Variants in VPS53 observed in about 807,000 individuals in gnomAD.
The protein encoded by VPS53 is VPS53 subunit of GARP complex.
Under a neutral mutation model 107.0 loss-of-function variants are expected in VPS53, and 70 were observed. That is an observed-to-expected ratio of 0.65 (90% CI 0.54 to 0.80). The LOEUF (loss-of-function observed/expected upper bound fraction) is 0.80. Ranked by LOEUF, VPS53 falls within the 30% of genes least tolerant of loss-of-function variation. The probability of loss-of-function intolerance (pLI) is 0.00; values close to 1 mark genes in which losing one functional copy is unlikely to be tolerated. For synonymous variants in VPS53, 409 were observed against 393.3 expected, an observed-to-expected ratio of 1.04 and a Z score of -0.47; for missense variants, 917 against 1,049.4, an observed-to-expected ratio of 0.87 and a Z score of 1.74.
rs368504016 is a variant in VPS53, at chr17:549,516, C to T, written c.1866+2356G>A. Among the ~76,000 whole-genome samples the T allele has an allele frequency of 4.6e-5, 7 of 152,070 alleles. No homozygotes were observed. In the East Asian group the frequency reaches 9.6e-4, roughly 21 times the overall value. On this transcript the variant is annotated intron_variant, in intron 17 of 21. Coordinates refer to ENST00000437048, the MANE Select transcript of VPS53 (RefSeq NM_001128159.3). ...GGGGCAGGGTTTGAGGGAAATCCAC[C>T]GAACGAACCGACAGTTCGTATAAGC...
chr17:695,375 GC>G (rs1972920310), intron 4 of VPS53, among the ~76,000 whole-genome samples: 1 of 152,124 alleles, frequency 6.6e-6, no homozygotes, highest in Non-Finnish European at 1.5e-5. Context: ...ATTGGGAAAT[GC>G]GGCGGCTTAA....
At chr17:640,619 G>C (rs539919727) in intron 7 of VPS53, among the ~76,000 whole-genome samples, 1 of 151,828 alleles carries the variant, frequency 6.6e-6, no homozygotes, top group Non-Finnish European at 1.5e-5. Context: ...CTAGTGAGCC[G>C]CATAATCACA....
At chr17:624,128 G>A (rs976043017) in intron 10 of VPS53, among the ~76,000 whole-genome samples, 1 of 152,042 alleles carries the variant, frequency 6.6e-6, no homozygotes, top group African/African-American at 2.4e-5. Flanking sequence ...AAAGTGCTGG[G>A]ATTATAGGTG....
chr17:656,730 G>GTGTGTGTGTGTGTT (rs1555574231), intron 5 of VPS53: 3 of 647,468 alleles, frequency 4.6e-6, no homozygotes, highest in African/African-American at 4.1e-5. Flanking sequence ...GTGTGTGTGT[G>GTGTGTGTGTGTGTT]TTTTATCATG....
At chr17:593,847 G>A (rs1480875379) in intron 12 of VPS53, among the ~76,000 whole-genome samples, 2 of 152,148 alleles carry the variant, frequency 1.3e-5, no homozygotes, top group Non-Finnish European at 2.9e-5. Flanking sequence ...CTGCTATAAA[G>A]ACACATGCAC....
intron 4 of VPS53, among the ~76,000 whole-genome samples, chr17:686,916 GC>G (rs1401894208): frequency 6.6e-6 from 1 of 152,156 alleles, no homozygotes; most frequent in Non-Finnish European, 1.5e-5. Context: ...GGAGGCTGAG[GC>G]AGAAGGATTG....
At position 509,082 on chromosome 17, in the gene VPS53, A is replaced by C. The variant is rs1483256331; in HGVS notation, c.*10046T>G. ...TGGCTCGCCCCCTTACTAGTCACATAGCAAATCCTGGCTCACCCCTCACTA... is the reference window on the plus strand; with the variant it reads ...TGGCTCGCCCCCTTACTAGTCACATCGCAAATCCTGGCTCACCCCTCACTA... On this transcript the variant is annotated 3_prime_UTR_variant, in exon 22 of 22. Coordinates refer to ENST00000437048, the MANE Select transcript of VPS53 (RefSeq NM_001128159.3). The C allele has an allele frequency of 1.3e-5, 2 of 151,816 alleles. No homozygotes were observed. The highest frequency in any genetic ancestry group is 2.9e-5 in the Non-Finnish European group (2 of 68,010). The allele number at this position is 151,816 out of a possible 1,614,324, so 9.4% of individuals were successfully genotyped here.
rs1339871682 is a variant in VPS53, at chr17:516,948, T to G, written c.*2180A>C. 6.5e-6 allele frequency: 1 copy of G among 153,286 alleles called. No homozygotes were observed. The highest frequency in any genetic ancestry group is 2.1e-4 in the South Asian group (1 of 4,840). The allele number at this position is 153,286 out of a possible 1,614,324, so 9.5% of individuals were successfully genotyped here. On this transcript the variant is annotated 3_prime_UTR_variant, in exon 22 of 22. Coordinates refer to ENST00000437048, the MANE Select transcript of VPS53 (RefSeq NM_001128159.3). ...AATGAACCAAAAAGAGAAGTGGTGA[T>G]CTGTACACAAACGCCAGGAGTGACA...
chr17:616,574 G>C lies in VPS53; in HGVS notation c.1116+6959C>G, dbSNP rs192224516. The C allele has an allele frequency of 9.5e-4, 145 of 152,458 alleles. 2 individuals are homozygous for C. Among genetic ancestry groups the C allele is most frequent in the African/African-American group, 3.4e-3 (142 of 41,578 alleles). The allele number at this position is 152,458 out of a possible 1,614,324, so 9.4% of individuals were successfully genotyped here. On this transcript the variant is annotated intron_variant, in intron 11 of 21. Transcript: ENST00000437048. ...CAGGAGACACTGGGCTCCAGGCCAG[G>C]AGCTTGGCCCTGGCCGAGTGAGTTC...
At chr17:565,430 A>G (rs1323537666) in intron 13 of VPS53, among the ~76,000 whole-genome samples, 1 of 150,712 alleles carries the variant, frequency 6.6e-6, no homozygotes, top group Non-Finnish European at 1.5e-5. Context: ...AAAAAAAGAA[A>G]GAAAAGAAAA....
intron 4 of VPS53, among the ~76,000 whole-genome samples, chr17:677,236 G>A (rs1027312514): frequency 1.3e-5 from 2 of 152,080 alleles, no homozygotes; most frequent in African/African-American, 2.4e-5. Context: ...CACACAATGT[G>A]GTGGAACTAC....
chr17:546,680 G>A (rs879206773), intron 17 of VPS53, among the ~76,000 whole-genome samples: 1 of 152,028 alleles, frequency 6.6e-6, no homozygotes, highest in Non-Finnish European at 1.5e-5. Context: ...TCACACCCAC[G>A]AAAATGGCTA....
chr17:528,536 T>A (rs1163357370), intron 19 of VPS53, among the ~76,000 whole-genome samples: 1 of 152,094 alleles, frequency 6.6e-6, no homozygotes, highest in African/African-American at 2.4e-5. Flanking sequence ...CTATTATAAA[T>A]GGTGCTGCTA....
intron 11 of VPS53, among the ~76,000 whole-genome samples, chr17:609,851 C>T (rs1372469086): frequency 2.0e-5 from 3 of 151,968 alleles, no homozygotes; most frequent in African/African-American, 7.3e-5. Context: ...TAGACAAGGC[C>T]GGGTGCGGTG....
chr17:519,835 C>T lies in VPS53; in HGVS notation c.2319G>A (p.Leu773=). The T allele has an allele frequency of 1.3e-6, 2 of 1,550,880 alleles. No homozygotes were observed. The highest frequency in any genetic ancestry group is 1.4e-5 in the African/African-American group (1 of 73,146). Residue 773 remains leucine, a synonymous_variant, in exon 21 of 22, where the codon CTG becomes CTA. Transcript: ENST00000437048. This position sits in a 1 kb window ranked among gnomAD's most constrained non-coding sequence, Gnocchi z 5.0. ...ATGTCCCGGCACAAACCTTCATGTC[C>T]AGTATCTTCTGAAAGGTTTCTGTGT... The part of the protein sequence containing the change: ...DCNTETFQKI[L]DMKGLKRSEQ...
Position 543,193 on chromosome 17 carries a change from G to A in VPS53, c.1867-6017C>T, listed in dbSNP as rs955962059. On this transcript the variant is annotated intron_variant, in intron 17 of 21. Transcript: ENST00000437048. ...GAGAACAGACTTGTCTTGATTCAAC[G>A]TAGAAGTGAACTTGAGGATTTCTTA... Among the ~76,000 whole-genome samples the A allele has an allele frequency of 3.3e-5, 5 of 152,104 alleles. No homozygotes were observed. The East Asian group carries it at 5.8e-4, about 18-fold the overall frequency.
chr17:526,138 T>C (rs1909116655), intron 19 of VPS53, among the ~76,000 whole-genome samples: 1 of 152,136 alleles, frequency 6.6e-6, no homozygotes, highest in South Asian at 2.1e-4. Flanking sequence ...AAGACTACCA[T>C]TCAGGACTCA....
intron 10 of VPS53, among the ~76,000 whole-genome samples, chr17:626,732 T>C (rs1969725077): frequency 6.6e-6 from 1 of 152,196 alleles, no homozygotes; most frequent in South Asian, 2.1e-4. Context: ...AGTGGGAAAT[T>C]CATTCAACAA....
At position 696,360 on chromosome 17, in the gene VPS53, AG is replaced by A. The variant is rs1202937937; in HGVS notation, c.285+1057del. Among the ~76,000 whole-genome samples, 15 of 152,346 alleles carry A rather than the reference AG, an allele frequency of 9.8e-5. No homozygotes were observed. The East Asian group carries it at 2.9e-3, about 29-fold the overall frequency. On this transcript the variant is annotated intron_variant, in intron 4 of 21. Coordinates refer to ENST00000437048, the MANE Select transcript of VPS53 (RefSeq NM_001128159.3). ...GAAATATCAGAGATCTGGAAATTTC[AG>A]CGTAGGATTATATGCTCCTCCCACT...
Sources: gnomAD v4.1 joint callset for allele counts (sites outside exome capture counted in the v4.1 genomes callset) on GRCh38, gnomAD v4.1.1 for gene constraint, Gnocchi (gnomAD v3.1) non-coding constraint, MANE v1.5 for transcripts, NCBI Gene and HGNC (gene_info 2026-07-23, HGNC 2026-07-21) for gene names.